The following FHIT variants were observed in gnomAD, a reference collection of about 807,000 sequenced individuals.
FHIT encodes the protein fragile histidine triad diadenosine triphosphatase.
Under a neutral mutation model 17.9 loss-of-function variants are expected in FHIT, and 19 were observed. The observed-to-expected ratio is 1.06, with a 90% CI of 0.74 to 1.56. The LOEUF (loss-of-function observed/expected upper bound fraction) is 1.56, where lower values mean the gene tolerates loss of function less well. Among genes scored for constraint, FHIT ranks in the 40% most tolerant of loss-of-function variants. The pLI is 0.00. For missense variants in FHIT, 248 were observed against 189.2 expected (o/e 1.31, Z -1.82); for synonymous variants, 81 against 69.7 (o/e 1.16, Z -0.81).
At chr3:60,467,033 T>G (rs982173575) in intron 5 of FHIT, among the ~76,000 whole-genome samples, 2 of 151,928 alleles carry the variant, frequency 1.3e-5, no homozygotes, top group African/African-American at 2.4e-5. Flanking sequence ...GACTTCATTA[T>G]GGCATTGATC....
chr3:59,816,637 G>A (rs953408225), intron 8 of FHIT, among the ~76,000 whole-genome samples: 1 of 152,128 alleles, frequency 6.6e-6, no homozygotes, highest in South Asian at 2.1e-4. Context: ...TAGAAGGTAG[G>A]AGCAGAGACA....
chr3:60,948,798 G>A (rs1258716305), intron 3 of FHIT, among the ~76,000 whole-genome samples: 1 of 152,108 alleles, frequency 6.6e-6, no homozygotes, highest in Non-Finnish European at 1.5e-5. Context: ...AGAAATGAGA[G>A]TCAAGTGTAG....
intron 7 of FHIT, among the ~76,000 whole-genome samples, chr3:59,955,429 T>C (rs1345885020): frequency 6.6e-6 from 1 of 152,236 alleles, no homozygotes; most frequent in Non-Finnish European, 1.5e-5. Flanking sequence ...TATCCTCTTA[T>C]CTTCCCCAGC....
At chr3:60,837,411 A>G (rs1174904986) in intron 3 of FHIT, among the ~76,000 whole-genome samples, 1 of 152,170 alleles carries the variant, frequency 6.6e-6, no homozygotes, top group African/African-American at 2.4e-5. Context: ...AACCTTTTCA[A>G]AGAACCAGCT....
At chr3:59,911,301 G>A (rs1704862050) in intron 8 of FHIT, among the ~76,000 whole-genome samples, 2 of 152,138 alleles carry the variant, frequency 1.3e-5, no homozygotes, top group South Asian at 4.1e-4. Flanking sequence ...ACACTCTGAT[G>A]TAAACTGGAA....
intron 5 of FHIT, among the ~76,000 whole-genome samples, chr3:60,298,100 C>T (rs1185929221): frequency 6.6e-6 from 1 of 151,924 alleles, no homozygotes; most frequent in East Asian, 1.9e-4. Flanking sequence ...GGGAAGGTGC[C>T]CTCTCTACGA....
chr3:59,778,217 G>C (rs1474463852), intron 8 of FHIT, among the ~76,000 whole-genome samples: 5 of 152,180 alleles, frequency 3.3e-5, no homozygotes, highest in Admixed American at 1.3e-4. Context: ...AAATGCTAAT[G>C]GAGGAGGTAA....
intron 5 of FHIT, among the ~76,000 whole-genome samples, chr3:60,470,647 T>C (rs148414238): frequency 2.5e-3 from 375 of 152,162 alleles, no homozygotes; most frequent in African/African-American, 8.6e-3. Flanking sequence ...AGGAATGTCA[T>C]TCAGGAGCCA....
chr3:61,216,954 T>C (rs557642751), intron 1 of FHIT, among the ~76,000 whole-genome samples: 1 of 124,306 alleles, frequency 8.0e-6, no homozygotes, highest in African/African-American at 3.2e-5. Context: ...TGAGAACACA[T>C]GGACACAGGA....
chr3:60,579,849 G>A (rs2037696697), intron 4 of FHIT, among the ~76,000 whole-genome samples: 1 of 152,076 alleles, frequency 6.6e-6, no homozygotes, highest in Non-Finnish European at 1.5e-5. Flanking sequence ...TAACAGCCCA[G>A]GTAACAAAAT....
intron 8 of FHIT, among the ~76,000 whole-genome samples, chr3:59,839,044 C>T (rs556612955): frequency 5.9e-5 from 9 of 152,252 alleles, no homozygotes; most frequent in Non-Finnish European, 8.8e-5. Context: ...CAGCTGGGCG[C>T]GGTAGCTCAT....
intron 3 of FHIT, among the ~76,000 whole-genome samples, chr3:60,850,077 C>T (rs551918728): frequency 7.2e-5 from 11 of 152,120 alleles, no homozygotes; most frequent in Admixed American, 4.6e-4. Context: ...TTCCCCATCC[C>T]CTCACAGGCC....
At chr3:60,882,729 C>T (rs1442978970) in intron 3 of FHIT, among the ~76,000 whole-genome samples, 3 of 152,046 alleles carry the variant, frequency 2.0e-5, no homozygotes, top group Admixed American at 6.6e-5. Flanking sequence ...ATAGTGAAGG[C>T]CATATATGAC....
At position 59,972,358 on chromosome 3, in the gene FHIT, G is replaced by C. The variant is rs3772478; in HGVS notation, c.279+39013C>G. On this transcript the variant is annotated intron_variant, in intron 7 of 9. Transcript: ENST00000492590. ...CAAGTGTGTCTCTCATGAAGAACTGGGGCTACCTGTGAAGCTTGGTTCACT... is the reference window on the plus strand; with the variant it reads ...CAAGTGTGTCTCTCATGAAGAACTGCGGCTACCTGTGAAGCTTGGTTCACT... 3.1e-4 allele frequency among the ~76,000 whole-genome samples: 47 copies of C among 152,100 alleles called. 1 individual carries two copies. The East Asian group carries it at 8.9e-3, about 29-fold the overall frequency.
chr3:61,093,473 T>C (rs956778432), intron 2 of FHIT, among the ~76,000 whole-genome samples: 1 of 151,964 alleles, frequency 6.6e-6, no homozygotes. Flanking sequence ...CACAACAGAA[T>C]TATCCAAGCC....
At chr3:60,844,444 G>A (rs1702851493) in intron 3 of FHIT, among the ~76,000 whole-genome samples, 1 of 151,962 alleles carries the variant, frequency 6.6e-6, no homozygotes. Flanking sequence ...CAGTTGTAAA[G>A]GCCCGATGAT....
intron 4 of FHIT, among the ~76,000 whole-genome samples, chr3:60,815,981 A>G (rs950610094): frequency 6.6e-6 from 1 of 151,584 alleles, no homozygotes; most frequent in Non-Finnish European, 1.5e-5. Context: ...AGTATTTTAT[A>G]TACTTCTATT....
At chr3:60,685,282 C>T (rs985958491) in intron 4 of FHIT, among the ~76,000 whole-genome samples, 2 of 152,082 alleles carry the variant, frequency 1.3e-5, no homozygotes, top group African/African-American at 2.4e-5. Flanking sequence ...GCTTTTCTCC[C>T]GCTGATCTGC....
intron 5 of FHIT, among the ~76,000 whole-genome samples, chr3:60,490,995 A>G (rs956893238): frequency 6.6e-6 from 1 of 152,202 alleles, no homozygotes; most frequent in African/African-American, 2.4e-5. Flanking sequence ...TAAAAGTATG[A>G]TATGCTGAGA....
Sources: allele counts gnomAD v4.1 joint callset (sites outside exome capture counted in the v4.1 genomes callset), GRCh38; gene constraint gnomAD v4.1.1; transcripts MANE v1.5; gene names NCBI Gene and HGNC (gene_info 2026-07-23, HGNC 2026-07-21).